EXOSC7: variants seen among roughly 807,000 people sequenced by gnomAD.
EXOSC7 encodes exosome component 7, also known as exosome complex component RRP42.
A neutral mutation model predicts 34.3 loss-of-function variants in EXOSC7; 25 were observed. That is an observed-to-expected ratio of 0.73 (90% confidence interval 0.53 to 1.02). EXOSC7 has a LOEUF of 1.02. EXOSC7 is among the 50% of genes least tolerant of loss of function. The probability of loss-of-function intolerance (pLI) is 0.00; values close to 1 mark genes in which losing one functional copy is unlikely to be tolerated. For synonymous variants in EXOSC7, 130 were observed against 143.0 expected (o/e 0.91, Z 0.65); for missense variants, 370 against 368.5 (o/e 1.00, Z -0.03).
intron 1 of EXOSC7, among the ~76,000 whole-genome samples, chr3:44,980,782 C>T (rs963808003): frequency 6.6e-6 from 1 of 152,216 alleles, no homozygotes; most frequent in East Asian, 1.9e-4. Flanking sequence ...ATGGCATATA[C>T]TGCTGTATTG....
chr3:45,001,222 G>A (rs1228387243), intron 4 of EXOSC7, among the ~76,000 whole-genome samples: 1 of 152,180 alleles, frequency 6.6e-6, no homozygotes, highest in Non-Finnish European at 1.5e-5. Context: ...GGAGGCTGAG[G>A]TAGGCGGATC....
intron 3 of EXOSC7, among the ~76,000 whole-genome samples, chr3:44,996,729 G>C (rs1282714506): frequency 6.6e-6 from 1 of 152,166 alleles, no homozygotes; most frequent in Admixed American, 6.5e-5. Flanking sequence ...AGTTTCCTAG[G>C]CCTGCCAGAG....
chr3:44,999,315 T>C (rs1706811830), intron 4 of EXOSC7, among the ~76,000 whole-genome samples: 1 of 152,232 alleles, frequency 6.6e-6, no homozygotes. Flanking sequence ...TTTTTAAGAC[T>C]CCTGGCATTT....
chr3:45,007,580 G>C lies in EXOSC7; in HGVS notation c.771+5G>C. 1.2e-6 allele frequency: 2 copies of C among 1,601,178 alleles called. No individual in the cohort carries two copies. Among genetic ancestry groups the C allele is most frequent in the Non-Finnish European group, 1.7e-6 (2 of 1,173,522 alleles). On this transcript the variant is annotated splice_donor_5th_base_variant and intron_variant, in intron 7 of 7. Coordinates refer to ENST00000265564, the MANE Select transcript of EXOSC7 (RefSeq NM_015004.4). ...AGCATCTTCGAGATGATGGAGGTGA[G>C]GCCTTAGTTCTGAGGAAGGTGCAGG... is the stretch of plus-strand genomic sequence containing the variant.
chr3:44,976,920 A>AG (rs1706063833), intron 1 of EXOSC7, among the ~76,000 whole-genome samples: 1 of 152,214 alleles, frequency 6.6e-6, no homozygotes, highest in African/African-American at 2.4e-5. Flanking sequence ...TGCTAAAAAT[A>AG]CAAAAAAATT....
In EXOSC7 at chr3:44,997,156, C is replaced by A. The variant is rs775291959; in HGVS notation, c.324C>A (p.Thr108=). The change falls in exon 4 of 8, where the codon ACC becomes ACA. Residue 108 remains threonine (T), a synonymous_variant. Transcript: ENST00000265564. The part of the protein sequence containing the change: ...GDDLGTEIAN[T]LYRIFNNKSS... Reference sequence around the variant, plus strand: ...ACCTTGGCACCGAGATCGCTAACACCCTCTATCGGATATTTAACAATAAAA... The same window carrying A: ...ACCTTGGCACCGAGATCGCTAACACACTCTATCGGATATTTAACAATAAAA... 3.1e-6 allele frequency: 5 copies of A among 1,613,914 alleles called. No homozygotes were observed. Among genetic ancestry groups the A allele is most frequent in the Middle Eastern group, 1.6e-4 (1 of 6,062 alleles).
chr3:45,006,404 GTTTTTTTTT>G (rs545281987), intron 6 of EXOSC7, among the ~76,000 whole-genome samples: 1 of 61,706 alleles, frequency 1.6e-5, no homozygotes, highest in Non-Finnish European at 2.9e-5. Flanking sequence ...TTGTTTATTT[GTTTTTTTTT>G]TTTTTTTTTT....
downstream of EXOSC7, chr3:45,011,512 A>G: frequency 2.0e-6 from 1 of 509,106 alleles, no homozygotes; most frequent in Non-Finnish European, 3.5e-6. Flanking sequence ...AAGCCAAGGC[A>G]CCATTCAGTG....
intron 7 of EXOSC7, among the ~76,000 whole-genome samples, chr3:45,010,253 G>T (rs1194631276): frequency 6.6e-6 from 1 of 152,102 alleles, no homozygotes; most frequent in Admixed American, 6.5e-5. Flanking sequence ...TATTGGGGTG[G>T]TGGTTGTTTT....
intron 1 of EXOSC7, among the ~76,000 whole-genome samples, chr3:44,982,156 C>T (rs977446806): frequency 6.6e-6 from 1 of 152,218 alleles, no homozygotes; most frequent in African/African-American, 2.4e-5. Context: ...TCCTCCATAT[C>T]ATGACCTGTC....
intron 1 of EXOSC7, among the ~76,000 whole-genome samples, chr3:44,978,062 G>C (rs1413511416): frequency 6.6e-6 from 1 of 152,234 alleles, no homozygotes; most frequent in African/African-American, 2.4e-5. Context: ...ATAAATGAAA[G>C]ATAGGAGGGA....
chr3:45,005,297 A>G lies in EXOSC7; in HGVS notation c.498A>G (p.Pro166=), dbSNP rs181196011. ...VKAALFNTRI[P]RVRVLEDEEG... Reference sequence around the variant, plus strand: ...CTAGTGCTTCTGCTTCCAGGATACCAAGGGTTCGAGTTTTGGAGGATGAAG... The same window carrying G: ...CTAGTGCTTCTGCTTCCAGGATACCGAGGGTTCGAGTTTTGGAGGATGAAG... The change falls in exon 6 of 8, where the codon CCA becomes CCG. Residue 166 remains proline, a synonymous_variant. Transcript: ENST00000265564. The G allele has an allele frequency of 4.6e-5, 75 of 1,614,080 alleles. No individual in the cohort carries two copies. Among genetic ancestry groups the G allele is most frequent in the Admixed American group, 3.3e-4 (20 of 60,012 alleles).
In EXOSC7 at chr3:44,976,260, G is replaced by C. The variant is rs762547013; in HGVS notation, c.-18G>C. The C allele has an allele frequency of 5.3e-5, 82 of 1,544,344 alleles. No individual in the cohort carries two copies. In the Middle Eastern group the frequency reaches 5.5e-4, roughly 10 times the overall value. On this transcript the variant is annotated 5_prime_UTR_variant, in exon 1 of 8. Coordinates refer to ENST00000265564, the MANE Select transcript of EXOSC7 (RefSeq NM_015004.4). Reference sequence around the variant, plus strand: ...GACGCGCGCAGATGACGTGCGGCTCGTGGGGCAGCTCGGCAGCATGGCGTC... The same window carrying C: ...GACGCGCGCAGATGACGTGCGGCTCCTGGGGCAGCTCGGCAGCATGGCGTC...
chr3:44,976,929 T>A (rs192155238), intron 1 of EXOSC7, among the ~76,000 whole-genome samples: 1 of 151,934 alleles, frequency 6.6e-6, no homozygotes. Context: ...TACAAAAAAA[T>A]TTAGCTGGGC....
downstream of EXOSC7, among the ~76,000 whole-genome samples, chr3:45,011,921 T>TC (rs1332650994): frequency 2.0e-5 from 3 of 152,234 alleles, no homozygotes; most frequent in Non-Finnish European, 2.9e-5. Context: ...AGCCATCCTT[T>TC]CTTATCACTC....
intron 1 of EXOSC7, among the ~76,000 whole-genome samples, chr3:44,982,584 A>C (rs1706300226): frequency 6.6e-6 from 1 of 152,150 alleles, no homozygotes; most frequent in Admixed American, 6.5e-5. Context: ...TTTTCTGTGG[A>C]TCTTGCTTTC....
chr3:44,987,343 A>G (rs2125964216), intron 1 of EXOSC7, among the ~76,000 whole-genome samples: 1 of 152,378 alleles, frequency 6.6e-6, no homozygotes. Context: ...ATAGCTCACA[A>G]ACTCAGAAAG....
chr3:45,007,284 C>T (rs1356667590), intron 6 of EXOSC7, 136 bp from the exon 7 acceptor site: 11 of 858,538 alleles, frequency 1.3e-5, no homozygotes, highest in Non-Finnish European at 1.8e-5. Flanking sequence ...TCCTCGTGAG[C>T]AGAATCTAAA....
At chr3:44,990,671 C>T (rs1273216546) in intron 3 of EXOSC7, among the ~76,000 whole-genome samples, 1 of 152,154 alleles carries the variant, frequency 6.6e-6, no homozygotes, top group Non-Finnish European at 1.5e-5. Context: ...CCAGGAAAGC[C>T]CATTAGAGAC....
Sources: gnomAD v4.1 joint callset for allele counts (sites outside exome capture counted in the v4.1 genomes callset) on GRCh38, gnomAD v4.1.1 for gene constraint, MANE v1.5 for transcripts, NCBI Gene and HGNC (gene_info 2026-07-23, HGNC 2026-07-21) for gene names.